TAS1R1: variants seen among roughly 807,000 people sequenced by gnomAD.
TAS1R1 encodes taste receptor type 1 member 1.
TAS1R1 carries 31 observed loss-of-function variants against 45.8 expected under a neutral mutation model. The observed-to-expected ratio is 0.68, with a 90% CI of 0.51 to 0.91. The LOEUF is 0.91. TAS1R1 is among the 40% of genes least tolerant of loss of function. TAS1R1 has a pLI of 0.00. For synonymous variants in TAS1R1, 437 were observed against 448.4 expected, an observed-to-expected ratio of 0.97 and a Z score of 0.32; for missense variants, 1,051 against 1,063.9, an observed-to-expected ratio of 0.99 and a Z score of 0.17.
At chr1:6,573,008 T>A (rs543664234) in intron 2 of TAS1R1, among the ~76,000 whole-genome samples, 1 of 152,278 alleles carries the variant, frequency 6.6e-6, no homozygotes, top group East Asian at 1.9e-4. Context: ...CTTTCTGGCC[T>A]CCTTTTCCAC....
intron 5 of TAS1R1, among the ~76,000 whole-genome samples, chr1:6,578,415 C>T (rs1640246612): frequency 6.6e-6 from 1 of 152,192 alleles, no homozygotes; most frequent in South Asian, 2.1e-4. Flanking sequence ...GTTTGCAAAA[C>T]CCTCATGGGA....
chr1:6,555,509 C>G lies in TAS1R1; in HGVS notation c.136C>G (p.Leu46Val), dbSNP rs1207455475. The change falls in exon 1 of 6, where the codon CTC (leucine) becomes GTC (valine). Residue 46 changes from leucine to valine, a missense_variant. Transcript: ENST00000333172. ...TTACCTCCTGGCAGGCCTGTTCCCT[C>G]TCCATTCTGGCTGTCTGCAGGTGAG... ...GDYLLAGLFP[L>V]HSGCLQVRHR... The G allele has an allele frequency of 3.2e-6, 5 of 1,563,144 alleles. No homozygotes were observed. The African/African-American group carries it at 5.4e-5, about 17-fold the overall frequency.
rs1297621756 is a variant in TAS1R1 at position 6,574,078 on chromosome 1, G to C, written c.499-553G>C. On this transcript the variant is annotated intron_variant, in intron 2 of 5. Coordinates refer to ENST00000333172, the MANE Select transcript of TAS1R1 (RefSeq NM_138697.4). This position sits in a 1 kb window ranked among gnomAD's most constrained non-coding sequence, Gnocchi z 4.3. ...TCCCATCTGGGGGTGATGGGAGACA[G>C]TGACAGATCATCAGACATTAGATTC... 6.6e-6 allele frequency among the ~76,000 whole-genome samples: 1 copy of C among 152,212 alleles called. No individual in the cohort carries two copies. Among genetic ancestry groups the C allele is most frequent in the Non-Finnish European group, 1.5e-5 (1 of 68,046 alleles).
chr1:6,578,256 C>T (rs1283774658), intron 5 of TAS1R1, among the ~76,000 whole-genome samples: 1 of 152,182 alleles, frequency 6.6e-6, no homozygotes. Flanking sequence ...CTCAGAGAAA[C>T]CACAGAGCAG....
chr1:6,575,444 G>C (rs1640142713), intron 3 of TAS1R1, 52 bp downstream of exon 3: 9 of 1,502,820 alleles, frequency 6.0e-6, no homozygotes, highest in African/African-American at 1.4e-5. Context: ...CCAATCCTGA[G>C]ATGAGCAGAG....
chr1:6,565,007 G>C (rs1639850961), intron 1 of TAS1R1, among the ~76,000 whole-genome samples: 1 of 152,026 alleles, frequency 6.6e-6, no homozygotes, highest in Non-Finnish European at 1.5e-5. Flanking sequence ...GTGGGGGGAG[G>C]AGAAATAAGG....
At chr1:6,571,310 GC>G in intron 2 of TAS1R1, 95 bp downstream of exon 2, 1 of 1,357,376 alleles carries the variant, frequency 7.4e-7, no homozygotes, top group Non-Finnish European at 9.9e-7. Context: ...AAGGCTGCCT[GC>G]CCCCTGGATC....
In TAS1R1 at chr1:6,574,793, G is replaced by C; in HGVS notation, c.661G>C (p.Gly221Arg). 6.2e-7 allele frequency: 1 copy of C among 1,614,272 alleles called. No individual in the cohort carries two copies. Among genetic ancestry groups the C allele is most frequent in the Non-Finnish European group, 8.5e-7 (1 of 1,180,048 alleles). The change falls in exon 3 of 6, where the codon GGG becomes CGG. Residue 221 changes from glycine to arginine, a missense_variant. Transcript: ENST00000333172. The surrounding 1 kb of genome is among the most constrained non-coding windows in gnomAD (Gnocchi z 4.3). ...TCTGGTTGGCAGCAGTGACGACTAT[G>C]GGCAGCTAGGGGTGCAGGCACTGGA... ...ISLVGSSDDY[G>R]QLGVQALENQ...
At chr1:6,561,867 G>T (rs1225237067) in intron 1 of TAS1R1, among the ~76,000 whole-genome samples, 1 of 152,196 alleles carries the variant, frequency 6.6e-6, no homozygotes, top group Admixed American at 6.5e-5. Context: ...GGCCGTGGGG[G>T]CTACGAGGTC....
chr1:6,575,695 T>C (rs544949538), intron 3 of TAS1R1, among the ~76,000 whole-genome samples: 2,394 of 128,990 alleles, frequency 0.019, 50 homozygotes, highest in Middle Eastern at 0.081. Flanking sequence ...ATTTTTCTTT[T>C]CTTTTTTTTT....
intron 1 of TAS1R1, among the ~76,000 whole-genome samples, chr1:6,565,189 A>T (rs1639853495): frequency 6.6e-6 from 1 of 152,140 alleles, no homozygotes; most frequent in Non-Finnish European, 1.5e-5. Flanking sequence ...GGAGAGGAAG[A>T]TACTGCAATT....
In TAS1R1 at chr1:6,574,883, G is replaced by T; in HGVS notation, c.751G>T (p.Val251Leu). ...GGACATCATGCCCTTCTCTGCCCAG[G>T]TGGGCGATGAGAGGATGCAGTGCCT... ...FKDIMPFSAQ[V>L]GDERMQCLMR... Residue 251 changes from valine to leucine, a missense_variant, in exon 3 of 6, where the codon GTG (valine) becomes TTG (leucine). By Grantham distance (32) the Val-to-Leu change is conservative. Coordinates refer to ENST00000333172, the MANE Select transcript of TAS1R1 (RefSeq NM_138697.4). The surrounding 1 kb of genome is among the most constrained non-coding windows in gnomAD (Gnocchi z 4.3). 6.2e-7 allele frequency: 1 copy of T among 1,614,224 alleles called. No individual in the cohort carries two copies. The highest frequency in any genetic ancestry group is 8.5e-7 in the Non-Finnish European group (1 of 1,180,040).
chr1:6,570,913 T>C lies in TAS1R1; in HGVS notation c.196T>C (p.Cys66Arg). 6.3e-7 allele frequency: 1 copy of C among 1,597,420 alleles called. No homozygotes were observed. Among genetic ancestry groups the C allele is most frequent in the Non-Finnish European group, 8.5e-7 (1 of 1,171,758 alleles). Residue 66 changes from cysteine (C) to arginine (R), a missense_variant, in exon 2 of 6, where the codon TGT (cysteine) becomes CGT (arginine). Physicochemically the swap from Cys to Arg is radical, Grantham distance 180. Coordinates refer to ENST00000333172, the MANE Select transcript of TAS1R1 (RefSeq NM_138697.4). The stretch of plus-strand genomic sequence containing the variant: ...TCTTACTGGCTTTCTCCACAGGTCT[T>C]GTAGCTTCAATGAGCATGGCTACCA... ...RPEVTLCDRS[C>R]SFNEHGYHLF...
chr1:6,575,095 G>A lies in TAS1R1; in HGVS notation c.963G>A (p.Val321=). 1 of 1,587,674 alleles carries A rather than the reference G, an allele frequency of 6.3e-7. No individual in the cohort carries two copies. Among genetic ancestry groups the A allele is most frequent in the South Asian group, 1.2e-5 (1 of 86,498 alleles). Residue 321 remains valine, a synonymous_variant, in exon 3 of 6, where the codon GTG becomes GTA. Transcript: ENST00000333172. ...CCGGGATCCAGCGCATTGGGATGGT[G>A]CTGGGCGTGGCCATCCAGAAGAGGG... The part of the protein sequence containing the change: ...GVPGIQRIGM[V]LGVAIQKRAV...
intron 5 of TAS1R1, 82 bp downstream of exon 5, chr1:6,577,152 G>A (rs2148676973): frequency 6.3e-7 from 1 of 1,579,198 alleles, no homozygotes; most frequent in Non-Finnish European, 8.6e-7. Context: ...TGGGCCCCAT[G>A]TGCCCTGCCC....
chr1:6,578,593 AT>A, intron 5 of TAS1R1, 59 bp from the exon 6 acceptor site: 1 of 1,512,654 alleles, frequency 6.6e-7, no homozygotes, highest in Non-Finnish European at 8.8e-7. Context: ...GCAGGCCCCT[AT>A]TTCCTATTCC....
At chr1:6,563,704 T>G (rs984529804) in intron 1 of TAS1R1, among the ~76,000 whole-genome samples, 4 of 151,904 alleles carry the variant, frequency 2.6e-5, no homozygotes, top group African/African-American at 9.7e-5. Context: ...CTGGGTACTA[T>G]TGGAAAGGGG....
intron 1 of TAS1R1, among the ~76,000 whole-genome samples, chr1:6,561,929 G>T (rs368853520): frequency 1.3e-5 from 2 of 152,210 alleles, no homozygotes; most frequent in East Asian, 3.9e-4. Flanking sequence ...GGACCAGGGG[G>T]CCAACTGTAG....
intron 2 of TAS1R1, among the ~76,000 whole-genome samples, chr1:6,572,092 T>C (rs976083184): frequency 2.0e-5 from 3 of 152,050 alleles, no homozygotes; most frequent in African/African-American, 7.2e-5. Context: ...CCCTCTACCC[T>C]GAGCACTGAC....
Sources: allele counts gnomAD v4.1 joint callset (sites outside exome capture counted in the v4.1 genomes callset), GRCh38; gene constraint gnomAD v4.1.1; non-coding constraint Gnocchi (gnomAD v3.1); transcripts MANE v1.5; gene names NCBI Gene and HGNC (gene_info 2026-07-23, HGNC 2026-07-21).